NSL1: variants seen among roughly 807,000 people sequenced by gnomAD.
NSL1 encodes kinetochore-associated protein NSL1 homolog.
A neutral mutation model predicts 25.4 loss-of-function variants in NSL1; 11 were observed. The ratio of observed to expected loss-of-function variants is 0.43; its 90% CI spans 0.27 to 0.72. The LOEUF is 0.72. Ranked by LOEUF, NSL1 falls within the 30% of genes least tolerant of loss-of-function variation. The pLI is 0.19. For synonymous variants in NSL1, 118 were observed against 120.6 expected, an observed-to-expected ratio of 0.98 and a Z score of 0.14; for missense variants, 330 against 342.7, an observed-to-expected ratio of 0.96 and a Z score of 0.29.
At chr1:212,741,331 A>G (rs1658495203) in intron 4 of NSL1, among the ~76,000 whole-genome samples, 1 of 152,180 alleles carries the variant, frequency 6.6e-6, no homozygotes, top group East Asian at 1.9e-4. Context: ...AACATTTATG[A>G]TGTATCTTCC....
Position 212,766,188 on chromosome 1 carries a change from C to T in NSL1, c.499+16184G>A, listed in dbSNP as rs1040277353. 46 of 627,828 alleles carry T rather than the reference C, an allele frequency of 7.3e-5. No homozygotes were observed. The African/African-American group carries it at 8.5e-4, about 12-fold the overall frequency. The allele number at this position is 627,828 out of a possible 1,614,324, so 38.9% of individuals were successfully genotyped here. ...ACAAACTAGGCAAAGAAGAGACTTA[C>T]CTCGAAGTAATAAAAACCATATATG... On this transcript the variant is annotated intron_variant, in intron 4 of 5. Transcript: ENST00000366977.
At chr1:212,784,190 C>G (rs1660845263) in intron 3 of NSL1, 173 bp downstream of exon 3, 1 of 419,382 alleles carries the variant, frequency 2.4e-6, no homozygotes, top group Non-Finnish European at 4.3e-6. Context: ...TATGACTATA[C>G]TATGTCATAG....
chr1:212,739,266 A>G (rs568199534), intron 5 of NSL1, among the ~76,000 whole-genome samples: 1 of 152,326 alleles, frequency 6.6e-6, no homozygotes, highest in Non-Finnish European at 1.5e-5. Context: ...TTATTATCCA[A>G]AACTGTTCGG....
intron 2 of NSL1, among the ~76,000 whole-genome samples, chr1:212,784,906 G>T (rs947758965): frequency 6.6e-6 from 1 of 152,202 alleles, no homozygotes; most frequent in Admixed American, 6.5e-5. Flanking sequence ...GCTTGAAATA[G>T]AAGTATAAGT....
At chr1:212,770,143 T>C (rs1660035999) in intron 4 of NSL1, among the ~76,000 whole-genome samples, 2 of 152,054 alleles carry the variant, frequency 1.3e-5, no homozygotes, top group African/African-American at 2.4e-5. Context: ...AAAGAGGATA[T>C]AATAATTCTA....
Position 212,728,250 on chromosome 1 carries a change from A to G in NSL1, c.*10158T>C, listed in dbSNP as rs939468760. The G allele has an allele frequency of 4.2e-6, 4 of 961,756 alleles. No homozygotes were observed. In the East Asian group the frequency reaches 3.4e-4, roughly 83 times the overall value. 59.6% of individuals were successfully genotyped at this position (961,756 alleles called of 1,614,324 possible). On this transcript the variant is annotated 3_prime_UTR_variant, in exon 6 of 6. Transcript: ENST00000366977. ...ATTATATTGATATTACCTTCAGCAAATAAGTTGATAACATTATATATGTAA... is the reference window on the plus strand; with the variant it reads ...ATTATATTGATATTACCTTCAGCAAGTAAGTTGATAACATTATATATGTAA...
intron 4 of NSL1, chr1:212,766,097 C>A (rs555072736): frequency 4.7e-6 from 2 of 426,114 alleles, no homozygotes; most frequent in South Asian, 4.1e-5. Flanking sequence ...GATCACACCA[C>A]TGCACTCCAG....
At chr1:212,778,953 G>A (rs1660525660) in intron 4 of NSL1, among the ~76,000 whole-genome samples, 1 of 149,462 alleles carries the variant, frequency 6.7e-6, no homozygotes, top group African/African-American at 2.5e-5. Flanking sequence ...TAGGAAGTGA[G>A]GAGCGCCTCT....
intron 3 of NSL1, 29 bp downstream of exon 3, chr1:212,784,334 T>C (rs1660852055): frequency 1.4e-6 from 2 of 1,479,838 alleles, no homozygotes; most frequent in Non-Finnish European, 1.9e-6. Flanking sequence ...TAAAATATAC[T>C]ATAACATTTT....
chr1:212,783,567 T>C (rs1660814353), intron 3 of NSL1, among the ~76,000 whole-genome samples: 1 of 152,190 alleles, frequency 6.6e-6, no homozygotes. Flanking sequence ...TGAACATTTA[T>C]GTACTAATTT....
chr1:212,758,079 C>T (rs992155157), intron 4 of NSL1, among the ~76,000 whole-genome samples: 2 of 152,124 alleles, frequency 1.3e-5, no homozygotes, highest in Non-Finnish European at 2.9e-5. Context: ...GTTTCTTATG[C>T]TTCTAACATT....
At chr1:212,753,825 A>G (rs12404885) in intron 4 of NSL1, among the ~76,000 whole-genome samples, 34,551 of 152,224 alleles carry the variant, frequency 0.23, 4,648 homozygotes, top group African/African-American at 0.38. Flanking sequence ...TGTAACAAGT[A>G]CTATTAAGGA....
Position 212,732,891 on chromosome 1 carries a change from G to A in NSL1, c.*5517C>T, listed in dbSNP as rs916441661. The stretch of plus-strand genomic sequence containing the variant: ...CTAGGTTGTATATCATTTATGCTGA[G>A]AATATTTCTCCAGATGCTTCTAGAT... On this transcript the variant is annotated 3_prime_UTR_variant, in exon 6 of 6. Transcript: ENST00000366977. Among the ~76,000 whole-genome samples the A allele has an allele frequency of 2.0e-5, 3 of 152,120 alleles. No individual in the cohort carries two copies. The highest frequency in any genetic ancestry group is 2.9e-5 in the Non-Finnish European group (2 of 68,018).
rs766317807 is a variant in NSL1, at chr1:212,791,707, C to T, written c.57G>A (p.Ala19=). The T allele has an allele frequency of 1.1e-5, 17 of 1,613,970 alleles. No individual in the cohort carries two copies. In the South Asian group the frequency reaches 1.9e-4, roughly 18 times the overall value. Residue 19 remains alanine, a synonymous_variant, in exon 1 of 6, where the codon GCG becomes GCA. Coordinates refer to ENST00000366977, the MANE Select transcript of NSL1 (RefSeq NM_015471.4). ...CCAAGGCCTGGCTCTCTGTGCCAGC[C>T]GCGAGCTCCTTGTCCCATGGAGGGT... ...VLDPPWDKEL[A]AGTESQALVS...
chr1:212,776,295 G>A lies in NSL1; in HGVS notation c.499+6077C>T, dbSNP rs60044582. On this transcript the variant is annotated intron_variant, in intron 4 of 5. Transcript: ENST00000366977. Reference sequence around the variant, plus strand: ...GGAGAATCGCTTGAACCCAGGAGGCGGACAGTGCAGTGAACCAAGATCGCG... The same window carrying A: ...GGAGAATCGCTTGAACCCAGGAGGCAGACAGTGCAGTGAACCAAGATCGCG... Among the ~76,000 whole-genome samples, 884 of 151,804 alleles carry A rather than the reference G, an allele frequency of 5.8e-3. 5 individuals are homozygous for A. Among genetic ancestry groups the A allele is most frequent in the African/African-American group, 0.02 (845 of 41,428 alleles).
chr1:212,752,170 A>G (rs1319568966), intron 4 of NSL1, among the ~76,000 whole-genome samples: 1 of 152,242 alleles, frequency 6.6e-6, no homozygotes, highest in Non-Finnish European at 1.5e-5. Context: ...TAATTTTTTC[A>G]TCATAAATGT....
At position 212,726,967 on chromosome 1, in the gene NSL1, G is replaced by T; in HGVS notation, c.*11441C>A. The T allele has an allele frequency of 1.5e-6, 1 of 656,140 alleles. No homozygotes were observed. Among genetic ancestry groups the T allele is most frequent in the Non-Finnish European group, 2.5e-6 (1 of 401,442 alleles). 40.6% of individuals were successfully genotyped at this position (656,140 alleles called of 1,614,324 possible). A position where few individuals can be genotyped will look rare whatever the true frequency, so the allele number is the denominator to read the frequency against. Reference sequence around the variant, plus strand: ...CTTCATGGTGGGTGAAGAGCACAGGGAGAGTGTGCTTCCTGGCTGTGTCCT... The same window carrying T: ...CTTCATGGTGGGTGAAGAGCACAGGTAGAGTGTGCTTCCTGGCTGTGTCCT... On this transcript the variant is annotated 3_prime_UTR_variant, in exon 6 of 6. Transcript: ENST00000366977.
intron 1 of NSL1, among the ~76,000 whole-genome samples, chr1:212,789,201 TTTTG>T (rs148033056): frequency 0.023 from 3,571 of 152,276 alleles, 66 homozygotes; most frequent in South Asian, 0.042. Context: ...TTATTTTATT[TTTTG>T]TTTGTTTGTT....
intron 4 of NSL1, among the ~76,000 whole-genome samples, chr1:212,767,240 A>G (rs956121296): frequency 1.3e-5 from 2 of 152,240 alleles, no homozygotes; most frequent in Admixed American, 1.3e-4. Context: ...GTATAAAAAT[A>G]GGCACACAGA....
Sources: allele counts gnomAD v4.1 joint callset (sites outside exome capture counted in the v4.1 genomes callset), GRCh38; gene constraint gnomAD v4.1.1; transcripts MANE v1.5; gene names NCBI Gene and HGNC (gene_info 2026-07-23, HGNC 2026-07-21).